The following IL1RAPL2 variants were observed in gnomAD, a reference collection of about 807,000 sequenced individuals.
IL1RAPL2 encodes interleukin 1 receptor accessory protein like 2.
In IL1RAPL2, 3 loss-of-function variants were observed where a neutral mutation model predicts 44.1. The ratio of observed to expected loss-of-function variants is 0.07; its 90% CI spans 0.03 to 0.18. The LOEUF is 0.18. Ranked by LOEUF, IL1RAPL2 falls within the 10% of genes least tolerant of loss-of-function variation. The pLI is 1.00. For missense variants in IL1RAPL2, 391 were observed against 496.4 expected (o/e 0.79, Z 2.02); for synonymous variants, 181 against 178.8 (o/e 1.01, Z -0.10).
At chrX:104,896,849 G>C (rs1028674870) in intron 2 of IL1RAPL2, among the ~76,000 whole-genome samples, 2 of 111,313 alleles carry the variant, frequency 1.8e-5, no homozygotes, top group Non-Finnish European at 3.8e-5. Flanking sequence ...CACTCCTGAA[G>C]TCAGTGAGAC....
intron 3 of IL1RAPL2, among the ~76,000 whole-genome samples, chrX:105,200,149 C>G (rs782028700): frequency 8.9e-6 from 1 of 111,732 alleles, no homozygotes; most frequent in Non-Finnish European, 1.9e-5. Flanking sequence ...AAGGTAATTA[C>G]GAATGACTTT....
chrX:104,581,413 G>C (rs149629947), intron 1 of IL1RAPL2, among the ~76,000 whole-genome samples: 3,822 of 111,459 alleles, frequency 0.034, 60 homozygotes, highest in Non-Finnish European at 0.055. Context: ...ATTCTGCAAG[G>C]GTTTTTATTT....
chrX:104,606,968 A>G (rs749777553), intron 1 of IL1RAPL2, among the ~76,000 whole-genome samples: 3 of 111,651 alleles, frequency 2.7e-5, no homozygotes, highest in East Asian at 5.6e-4. Context: ...TGGAGGCATC[A>G]CTCTACCTGA....
chrX:105,448,368 C>CTT (rs200693912), intron 5 of IL1RAPL2, among the ~76,000 whole-genome samples: 9,378 of 98,423 alleles, frequency 0.095, 1,357 homozygotes, highest in African/African-American at 0.35. Flanking sequence ...AGGCCAATAA[C>CTT]TTTTTTTTTT....
At chrX:105,034,818 T>C (rs2031592081) in intron 2 of IL1RAPL2, among the ~76,000 whole-genome samples, 1 of 112,115 alleles carries the variant, frequency 8.9e-6, no homozygotes. Flanking sequence ...TCTTTTTGTT[T>C]GTCTGTGCCC....
In IL1RAPL2 at chrX:105,244,742, C is replaced by T. The variant is rs368102866; in HGVS notation, c.543+10738C>T. On this transcript the variant is annotated intron_variant, in intron 4 of 10. Transcript: ENST00000372582. ...CCATCTGTTAAAAGAAAATCTTCAG[C>T]TGAATTAAATTTAAAATACTTTAAT... Among the ~76,000 whole-genome samples the T allele has an allele frequency of 4.0e-4, 45 of 112,176 alleles. No individual in the cohort carries two copies. In the South Asian group the frequency reaches 0.016, roughly 40 times the overall value.
intron 2 of IL1RAPL2, among the ~76,000 whole-genome samples, chrX:104,900,513 T>C (rs1372557548): frequency 1.8e-5 from 2 of 111,370 alleles, no homozygotes; most frequent in Non-Finnish European, 3.8e-5. Flanking sequence ...CCAAACTCAC[T>C]GGCTTAAAAC....
intron 2 of IL1RAPL2, among the ~76,000 whole-genome samples, chrX:104,902,205 A>C (rs1268296902): frequency 1.8e-5 from 2 of 111,851 alleles, no homozygotes; most frequent in Admixed American, 9.5e-5. Flanking sequence ...CCAAGGCCAA[A>C]AGGAAATTGA....
chrX:105,333,462 T>C (rs2035003390), intron 5 of IL1RAPL2, among the ~76,000 whole-genome samples: 1 of 111,517 alleles, frequency 9.0e-6, no homozygotes, highest in African/African-American at 3.3e-5. Context: ...GGGCAAAGAT[T>C]TTCTGAGTAA....
At chrX:105,303,267 G>A (rs369107805) in intron 5 of IL1RAPL2, among the ~76,000 whole-genome samples, 114 of 111,957 alleles carry the variant, frequency 1.0e-3, no homozygotes, top group Non-Finnish European at 1.7e-3. Context: ...ACTGGATTCC[G>A]CACAAAAAGA....
intron 2 of IL1RAPL2, among the ~76,000 whole-genome samples, chrX:104,832,399 A>T (rs1327495727): frequency 9.0e-6 from 1 of 111,351 alleles, no homozygotes; most frequent in Non-Finnish European, 1.9e-5. Flanking sequence ...GGGAGATTTC[A>T]TTCTATCTGC....
intron 2 of IL1RAPL2, among the ~76,000 whole-genome samples, chrX:105,039,310 A>G (rs2147757937): frequency 8.9e-6 from 1 of 112,108 alleles, no homozygotes; most frequent in East Asian, 2.8e-4. Flanking sequence ...AATATTCTGC[A>G]AAGGGAAGCT....
At chrX:104,579,238 AT>A (rs2046665129) in intron 1 of IL1RAPL2, among the ~76,000 whole-genome samples, 1 of 111,981 alleles carries the variant, frequency 8.9e-6, no homozygotes, top group African/African-American at 3.2e-5. Flanking sequence ...CAGCAATTCC[AT>A]TACTGGGTAC....
At chrX:105,277,253 G>A (rs2034493755) in intron 5 of IL1RAPL2, among the ~76,000 whole-genome samples, 1 of 112,293 alleles carries the variant, frequency 8.9e-6, no homozygotes, top group South Asian at 3.7e-4. Flanking sequence ...TGTACCTTTT[G>A]TGTGACCTAA....
At chrX:105,172,909 A>G (rs1182529537) in intron 2 of IL1RAPL2, among the ~76,000 whole-genome samples, 1 of 111,404 alleles carries the variant, frequency 9.0e-6, no homozygotes, top group African/African-American at 3.3e-5. Context: ...CCAAAGACTC[A>G]CCCCATATTC....
intron 2 of IL1RAPL2, among the ~76,000 whole-genome samples, chrX:104,890,321 G>A (rs1326519115): frequency 8.9e-6 from 1 of 111,810 alleles, no homozygotes. Context: ...CCAGTAATGG[G>A]ATGGCTGGGT....
intron 2 of IL1RAPL2, among the ~76,000 whole-genome samples, chrX:104,863,877 A>G (rs1252497007): frequency 1.8e-5 from 2 of 112,234 alleles, no homozygotes; most frequent in Non-Finnish European, 3.8e-5. Context: ...GAGTTGAATG[A>G]TGATGTCACT....
In IL1RAPL2 at chrX:104,919,224, C is replaced by CTT. The variant is rs35363128; in HGVS notation, c.82+260246_82+260247dup. On this transcript the variant is annotated intron_variant, in intron 2 of 10. Coordinates refer to ENST00000372582, the MANE Select transcript of IL1RAPL2 (RefSeq NM_017416.2). Reference sequence around the variant, plus strand: ...GGGGACTCTTGGGCACTTTTTCTTTCTTTTTTTTTTTTTTTTTTAAGATGG... The same window carrying CTT: ...GGGGACTCTTGGGCACTTTTTCTTTCTTTTTTTTTTTTTTTTTTTTAAGATGG... Among the ~76,000 whole-genome samples, 287 of 96,024 alleles carry CTT rather than the reference C, an allele frequency of 3.0e-3. 2 individuals are homozygous for CTT. Among genetic ancestry groups the CTT allele is most frequent in the African/African-American group, 0.011 (273 of 25,422 alleles). 83.4% of individuals were successfully genotyped at this position (96,024 alleles called of 115,157 possible).
intron 2 of IL1RAPL2, among the ~76,000 whole-genome samples, chrX:104,992,745 A>T (rs933457790): frequency 9.0e-6 from 1 of 111,071 alleles, no homozygotes; most frequent in Non-Finnish European, 1.9e-5. Flanking sequence ...TTTCATTCAG[A>T]GAATGAAAAA....
Sources: allele counts gnomAD v4.1 joint callset (sites outside exome capture counted in the v4.1 genomes callset), GRCh38; gene constraint gnomAD v4.1.1; transcripts MANE v1.5; gene names NCBI Gene and HGNC (gene_info 2026-07-23, HGNC 2026-07-21).